EAF2: variants seen among roughly 807,000 people sequenced by gnomAD.
EAF2 encodes the protein ELL associated factor 2, also known as ELL-associated factor 2.
EAF2 carries 29 observed loss-of-function variants against 29.4 expected under a neutral mutation model. That is an observed-to-expected ratio of 0.99 (90% CI 0.73 to 1.35). The LOEUF is 1.35. EAF2 is among the 40% of genes most tolerant of loss of function. The pLI is 0.00. For synonymous variants in EAF2, 103 were observed against 102.5 expected (o/e 1.00, Z -0.03); for missense variants, 292 against 312.0 (o/e 0.94, Z 0.48).
rs761640397 is a variant in EAF2 at position 121,835,404 on chromosome 3, C to T, written c.106+13C>T. 38 of 1,611,840 alleles carry T rather than the reference C, an allele frequency of 2.4e-5. No homozygotes were observed. Among genetic ancestry groups the T allele is most frequent in the South Asian group, 1.5e-4 (14 of 90,994 alleles). On this transcript the variant is annotated intron_variant, in intron 1 of 5. Coordinates refer to ENST00000273668, the MANE Select transcript of EAF2 (RefSeq NM_018456.6). Reference sequence around the variant, plus strand: ...CACACTGTGCGCTGTGAGTGAGGACCATCCGGGGATAGAGGGGGAGCCTCC... The same window carrying T: ...CACACTGTGCGCTGTGAGTGAGGACTATCCGGGGATAGAGGGGGAGCCTCC...
At chr3:121,854,650 ATAAAT>A in intron 2 of EAF2, 32 bp from the exon 3 acceptor site, 1 of 1,462,260 alleles carries the variant, frequency 6.8e-7, no homozygotes. Flanking sequence ...AATTCCTATG[ATAAAT>A]TTTAAGTAAT....
At chr3:121,871,791 A>C (rs1559828205) in intron 4 of EAF2, among the ~76,000 whole-genome samples, 1 of 152,002 alleles carries the variant, frequency 6.6e-6, no homozygotes. Flanking sequence ...TCATATGGGA[A>C]AATATTGACT....
chr3:121,869,416 A>G lies in EAF2; in HGVS notation c.485-3121A>G, dbSNP rs114302726. On this transcript the variant is annotated intron_variant, in intron 4 of 5. Transcript: ENST00000273668. The stretch of plus-strand genomic sequence containing the variant: ...ACAGTAGAGAAAATTAATGAAACAA[A>G]AAGGCAGTCATCGGAGAACACTGTT... Among the ~76,000 whole-genome samples, 1,503 of 152,324 alleles carry G rather than the reference A, an allele frequency of 9.9e-3. 27 individuals are homozygous for G. Among genetic ancestry groups the G allele is most frequent in the African/African-American group, 0.034 (1,423 of 41,566 alleles).
rs532427182 is a variant in EAF2 at position 121,876,983 on chromosome 3, G to A, written c.736+4195G>A. 6.6e-5 allele frequency among the ~76,000 whole-genome samples: 10 copies of A among 151,466 alleles called. No homozygotes were observed. The East Asian group carries it at 1.4e-3, about 21-fold the overall frequency. ...CGCCATATGCTGATTATAACAAATT[G>A]TCTAAAAACCATATGGAAAATAAAG... On this transcript the variant is annotated intron_variant, in intron 5 of 5. Transcript: ENST00000273668.
At chr3:121,863,326 G>C (rs1708866268) in intron 4 of EAF2, among the ~76,000 whole-genome samples, 1 of 152,198 alleles carries the variant, frequency 6.6e-6, no homozygotes, top group Non-Finnish European at 1.5e-5. Context: ...GCCTCCTTGA[G>C]CTGCGGTGGG....
intron 4 of EAF2, among the ~76,000 whole-genome samples, chr3:121,859,269 C>T (rs1454819154): frequency 6.6e-6 from 1 of 152,130 alleles, no homozygotes; most frequent in African/African-American, 2.4e-5. Context: ...ACAGTATGGC[C>T]ATTTTCACGA....
At chr3:121,873,917 A>G (rs942608850) in intron 5 of EAF2, among the ~76,000 whole-genome samples, 4 of 151,864 alleles carry the variant, frequency 2.6e-5, no homozygotes, top group African/African-American at 9.7e-5. Flanking sequence ...CCTTTAGAAT[A>G]TCAGATATGT....
chr3:121,859,648 T>C (rs146107434), intron 4 of EAF2, among the ~76,000 whole-genome samples: 14 of 152,310 alleles, frequency 9.2e-5, no homozygotes, highest in African/African-American at 3.1e-4. Flanking sequence ...TTTTCCCAAT[T>C]GAATACCCTT....
intron 2 of EAF2, 71 bp downstream of exon 2, chr3:121,844,618 C>A: frequency 1.9e-6 from 2 of 1,049,244 alleles, no homozygotes; most frequent in South Asian, 1.5e-5. Context: ...AAAATAATTG[C>A]ACAATTTGTG....
At chr3:121,840,597 A>T (rs1214999941) in intron 1 of EAF2, among the ~76,000 whole-genome samples, 1 of 150,404 alleles carries the variant, frequency 6.6e-6, no homozygotes, top group Non-Finnish European at 1.5e-5. Context: ...TGAGGTCAGG[A>T]GATCGAGACC....
chr3:121,841,145 A>G (rs1213409385), intron 1 of EAF2, among the ~76,000 whole-genome samples: 1 of 152,222 alleles, frequency 6.6e-6, no homozygotes. Context: ...GATGAACGAC[A>G]TAGAGGAATA....
chr3:121,845,168 G>A (rs748273944), intron 2 of EAF2, among the ~76,000 whole-genome samples: 4 of 152,054 alleles, frequency 2.6e-5, no homozygotes, highest in East Asian at 1.9e-4. Flanking sequence ...GGATGGGCGC[G>A]GTGGCTCACC....
intron 5 of EAF2, among the ~76,000 whole-genome samples, chr3:121,878,325 C>T (rs926612208): frequency 2.0e-5 from 3 of 151,954 alleles, no homozygotes; most frequent in African/African-American, 7.3e-5. Context: ...TATTTTGATA[C>T]CAGCATACAA....
chr3:121,849,663 A>G (rs1324588531), intron 2 of EAF2, among the ~76,000 whole-genome samples: 1 of 152,076 alleles, frequency 6.6e-6, no homozygotes. Context: ...TCCTATATGT[A>G]TGAGGGGTAC....
At chr3:121,885,739 C>A (rs1336429510) in intron 5 of EAF2, among the ~76,000 whole-genome samples, 1 of 152,168 alleles carries the variant, frequency 6.6e-6, no homozygotes, top group Non-Finnish European at 1.5e-5. Flanking sequence ...CTCAAAAAGG[C>A]CTTCAAAACT....
intron 1 of EAF2, among the ~76,000 whole-genome samples, chr3:121,844,080 G>GA (rs1708479626): frequency 6.6e-6 from 1 of 152,090 alleles, no homozygotes; most frequent in African/African-American, 2.4e-5. Context: ...AAATTTATTG[G>GA]AAAAAAGGAC....
Position 121,872,746 on chromosome 3 carries a change from A to T in EAF2, c.694A>T (p.Asn232Tyr). 1 of 1,612,466 alleles carries T rather than the reference A, an allele frequency of 6.2e-7. No homozygotes were observed. Among genetic ancestry groups the T allele is most frequent in the East Asian group, 2.2e-5 (1 of 44,786 alleles). Residue 232 changes from asparagine (N) to tyrosine (Y), a missense_variant, in exon 5 of 6, where the codon AAT becomes TAT. Asn to Tyr is a moderately radical substitution (Grantham distance 143). Transcript: ENST00000273668. Reference protein sequence around the residue: ...YRIPDIDASHNRFRDNSGLLM... With the variant: ...YRIPDIDASHYRFRDNSGLLM... ...GATTCCTGATATAGATGCCAGTCAT[A>T]ATAGATTTCGAGACAACAGTGGCCT...
At chr3:121,873,509 C>G (rs1032224529) in intron 5 of EAF2, among the ~76,000 whole-genome samples, 7 of 151,960 alleles carry the variant, frequency 4.6e-5, no homozygotes, top group African/African-American at 1.7e-4. Flanking sequence ...CTACAATGAC[C>G]TAACTGGTTC....
intron 4 of EAF2, among the ~76,000 whole-genome samples, chr3:121,870,407 C>T (rs1368428961): frequency 1.3e-5 from 2 of 151,984 alleles, no homozygotes; most frequent in African/African-American, 4.8e-5. Flanking sequence ...AGGGAAGATA[C>T]AAGCAGTAAA....
Sources: gnomAD v4.1 joint callset for allele counts (sites outside exome capture counted in the v4.1 genomes callset) on GRCh38, gnomAD v4.1.1 for gene constraint, MANE v1.5 for transcripts, NCBI Gene and HGNC (gene_info 2026-07-23, HGNC 2026-07-21) for gene names.